Variants in LY75 observed in about 807,000 individuals in gnomAD.
LY75 encodes the protein C-type lectin domain family 13 member B.
LY75 carries 185 observed loss-of-function variants against 231.7 expected under a neutral mutation model. The ratio of observed to expected loss-of-function variants is 0.80; its 90% confidence interval spans 0.71 to 0.90. LY75 has a LOEUF of 0.90. LY75 is among the 40% of genes least tolerant of loss of function. The pLI is 0.00. For synonymous variants in LY75, 668 were observed against 689.0 expected (o/e 0.97, Z 0.48); for missense variants, 1,947 against 2,050.2 (o/e 0.95, Z 0.97).
intron 21 of LY75, 67 bp from the exon 22 acceptor site, chr2:159,850,534 T>C: frequency 6.3e-7 from 1 of 1,592,666 alleles, no homozygotes; most frequent in Non-Finnish European, 8.6e-7. Flanking sequence ...GGAAGTAAAA[T>C]GCTTCATCTT....
At chr2:159,819,457 A>AT (rs990469280) in intron 29 of LY75, among the ~76,000 whole-genome samples, 2 of 151,752 alleles carry the variant, frequency 1.3e-5, no homozygotes, top group Non-Finnish European at 2.9e-5. Context: ...CTTCCCCACA[A>AT]TTTAAGCCTG....
chr2:159,848,093 T>TATATATATACACACACACAC, intron 23 of LY75, among the ~76,000 whole-genome samples: 1 of 28,548 alleles, frequency 3.5e-5, no homozygotes, highest in African/African-American at 1.4e-4. Context: ...TATATATATA[T>TATATATATACACACACACAC]ACACACACAC....
rs1374772099 is a variant in LY75, at chr2:159,893,933, C to T, written c.618G>A (p.Trp206Ter). ...ACATACCAGGCTTTAAGCAGATGCC[C>T]CACTTTCGGTCATATTCATAATTTA... ...TTLNYEYDRK[W>*]GICLKPENGC... Residue 206 changes from tryptophan (W) to a stop codon, truncating the protein, a stop_gained, in exon 3 of 35, where the codon TGG (tryptophan) becomes TGA (stop). Transcript: ENST00000263636. LOFTEE classifies it high-confidence loss of function. The T allele has an allele frequency of 6.2e-7, 1 of 1,611,832 alleles. No homozygotes were observed. The highest frequency in any genetic ancestry group is 1.3e-5 in the African/African-American group (1 of 74,796).
intron 25 of LY75, among the ~76,000 whole-genome samples, chr2:159,839,290 G>A (rs970358784): frequency 2.0e-5 from 3 of 152,058 alleles, no homozygotes; most frequent in Admixed American, 6.6e-5. Flanking sequence ...GATATACCAT[G>A]GCTGAGAAAA....
At chr2:159,896,005 T>C (rs1311289556) in intron 2 of LY75, among the ~76,000 whole-genome samples, 1 of 152,224 alleles carries the variant, frequency 6.6e-6, no homozygotes, top group Admixed American at 6.5e-5. Context: ...AACAGCTTTA[T>C]TATGCAATAG....
chr2:159,837,841 C>T (rs954095278), intron 25 of LY75, among the ~76,000 whole-genome samples: 14 of 152,166 alleles, frequency 9.2e-5, no homozygotes, highest in Admixed American at 6.5e-4. Context: ...AGGACTTGGT[C>T]GCCTTGCTCC....
chr2:159,886,363 G>A lies in LY75; in HGVS notation c.913+57C>T, dbSNP rs983563642. Reference sequence around the variant, plus strand: ...TTTCTAAGCTATTGGTGAGTGAGAAGCTTTTGCTTTTTTGAAGATTTGTTC... The same window carrying A: ...TTTCTAAGCTATTGGTGAGTGAGAAACTTTTGCTTTTTTGAAGATTTGTTC... On this transcript the variant is annotated intron_variant, in intron 5 of 34. Coordinates refer to ENST00000263636, the MANE Select transcript of LY75 (RefSeq NM_002349.4). 8 of 1,492,858 alleles carry A rather than the reference G, an allele frequency of 5.4e-6. No homozygotes were observed. The South Asian group carries it at 9.4e-5, about 17-fold the overall frequency. The allele number at this position is 1,492,858 out of a possible 1,614,324, so 92.5% of individuals were successfully genotyped here.
rs1381371834 is a variant in LY75 at position 159,852,476 on chromosome 2, T to C, written c.2744-136A>G. On this transcript the variant is annotated intron_variant, in intron 20 of 34. Transcript: ENST00000263636. The stretch of plus-strand genomic sequence containing the variant: ...TCTGTTGCCCGGGGCTGGAGTGCAG[T>C]GGTGCAATGTTGGCTTACTGCATCC... 23 of 1,243,678 alleles carry C rather than the reference T, an allele frequency of 1.8e-5. 1 individual carries two copies. The East Asian group carries it at 4.6e-4, about 25-fold the overall frequency. 77.0% of individuals were successfully genotyped at this position (1,243,678 alleles called of 1,614,324 possible).
chr2:159,832,695 C>T (rs1047547799), intron 27 of LY75, among the ~76,000 whole-genome samples: 1 of 152,180 alleles, frequency 6.6e-6, no homozygotes, highest in African/African-American at 2.4e-5. Context: ...TGTTAATGTA[C>T]ATTTGTTAAT....
intron 16 of LY75, 28 bp from the exon 17 acceptor site, chr2:159,854,967 T>A: frequency 2.5e-6 from 4 of 1,613,346 alleles, no homozygotes; most frequent in Non-Finnish European, 2.5e-6. Context: ...CAAGTGGCAT[T>A]AGTATTCCAT....
intron 32 of LY75, 128 bp from the exon 33 acceptor site, chr2:159,808,699 G>T: frequency 1.5e-6 from 2 of 1,335,424 alleles, no homozygotes; most frequent in South Asian, 1.7e-5. Flanking sequence ...CTTACACAGA[G>T]ACAGTTTTTA....
rs1211954850 is a variant in LY75, at chr2:159,885,162, C to A, written c.1045G>T (p.Glu349Ter). ...VCRKPLNNTVELTDVWTYSDT... is the reference protein window; with the variant it reads ...VCRKPLNNTV Reference sequence around the variant, plus strand: ...TATGTGAGAAAGATACCTGTTAACTCCACTGTATTATTTAATGGTTTCCTG... The same window carrying A: ...TATGTGAGAAAGATACCTGTTAACTACACTGTATTATTTAATGGTTTCCTG... The change falls in exon 6 of 35, where the codon GAG becomes TAG. Residue 349 changes from glutamate to a stop codon, truncating the protein, a stop_gained. Transcript: ENST00000263636. LOFTEE classifies it high-confidence loss of function. 6.2e-7 allele frequency: 1 copy of A among 1,613,054 alleles called. No homozygotes were observed. Among genetic ancestry groups the A allele is most frequent in the Admixed American group, 1.7e-5 (1 of 59,874 alleles).
At chr2:159,854,596 A>G in intron 17 of LY75, 61 bp from the exon 18 acceptor site, 1 of 1,546,684 alleles carries the variant, frequency 6.5e-7, no homozygotes, top group South Asian at 1.2e-5. Context: ...GTGTCCTCTA[A>G]GCATGAGTTA....
intron 27 of LY75, among the ~76,000 whole-genome samples, chr2:159,833,730 A>G (rs950754997): frequency 3.3e-5 from 5 of 152,202 alleles, no homozygotes; most frequent in African/African-American, 1.2e-4. Flanking sequence ...TGTAGCTCCC[A>G]TAATCCCCAC....
chr2:159,817,313 C>T (rs149365149), intron 29 of LY75, among the ~76,000 whole-genome samples: 1 of 152,144 alleles, frequency 6.6e-6, no homozygotes, highest in Non-Finnish European at 1.5e-5. Flanking sequence ...GATGGCAAAA[C>T]TGTTAACCAG....
At chr2:159,847,899 G>T (rs1684251039) in intron 23 of LY75, among the ~76,000 whole-genome samples, 1 of 151,836 alleles carries the variant, frequency 6.6e-6, no homozygotes, top group African/African-American at 2.4e-5. Context: ...GTTCATTGCA[G>T]CACTATTTAT....
intron 25 of LY75, among the ~76,000 whole-genome samples, chr2:159,838,636 T>C (rs1683907965): frequency 6.6e-6 from 1 of 152,216 alleles, no homozygotes; most frequent in Non-Finnish European, 1.5e-5. Flanking sequence ...AATCACCTAT[T>C]GTTTCCTCAC....
chr2:159,904,672 C>G lies in LY75; in HGVS notation c.11G>C (p.Gly4Ala), dbSNP rs960687287. 8 of 1,475,046 alleles carry G rather than the reference C, an allele frequency of 5.4e-6. No homozygotes were observed. The highest frequency in any genetic ancestry group is 7.2e-6 in the Non-Finnish European group (8 of 1,117,052). 91.4% of individuals were successfully genotyped at this position (1,475,046 alleles called of 1,614,324 possible). A position where few individuals can be genotyped will look rare whatever the true frequency, so the allele number is the denominator to read the frequency against. The change falls in exon 1 of 35, where the codon GGC (glycine) becomes GCC (alanine). Residue 4 changes from glycine to alanine, a missense_variant. Physicochemically the swap from Gly to Ala is moderately conservative, Grantham distance 60 (BLOSUM62 0). Transcript: ENST00000263636. MRT[G>A]WATPRRPAGL... Reference sequence around the variant, plus strand: ...CGCCGGGCGGCGAGGGGTCGCCCAGCCTGTCCTCATCCTGAGCTGGCGCAA... The same window carrying G: ...CGCCGGGCGGCGAGGGGTCGCCCAGGCTGTCCTCATCCTGAGCTGGCGCAA...
Position 159,842,148 on chromosome 2 carries a change from GT to G in LY75, c.3280+96del. 3 of 1,424,188 alleles carry G rather than the reference GT, an allele frequency of 2.1e-6. No homozygotes were observed. In the Admixed American group the frequency reaches 6.7e-5, roughly 32 times the overall value. 88.2% of individuals were successfully genotyped at this position (1,424,188 alleles called of 1,614,324 possible). A position where few individuals can be genotyped will look rare whatever the true frequency, so the allele number is the denominator to read the frequency against. On this transcript the variant is annotated intron_variant, in intron 24 of 34. Transcript: ENST00000263636. ...CCCAATAGGTAATTTTTCAACCTAT[GT>G]TCCCCTCCCTCCCTATAGAAAGTGA... is the stretch of plus-strand genomic sequence containing the variant.
Sources: allele counts gnomAD v4.1 joint callset (sites outside exome capture counted in the v4.1 genomes callset), GRCh38; gene constraint gnomAD v4.1.1; transcripts MANE v1.5; gene names NCBI Gene and HGNC (gene_info 2026-07-23, HGNC 2026-07-21).